IGF2BP3: variants seen among roughly 807,000 people sequenced by gnomAD.
The protein encoded by IGF2BP3 is insulin like growth factor 2 mRNA binding protein 3, also known as insulin-like growth factor 2 mRNA-binding protein 3.
Under a neutral mutation model 73.8 loss-of-function variants are expected in IGF2BP3, and 9 were observed. The ratio of observed to expected loss-of-function variants is 0.12; its 90% CI spans 0.07 to 0.21. The LOEUF is 0.21. Ranked by LOEUF, IGF2BP3 falls within the 10% of genes least tolerant of loss-of-function variation. IGF2BP3 has a pLI of 1.00. For missense variants in IGF2BP3, 542 were observed against 714.0 expected (o/e 0.76, Z 2.75); for synonymous variants, 258 against 256.7 (o/e 1.01, Z -0.05).
At chr7:23,323,237 A>G (rs55931105) in intron 10 of IGF2BP3, among the ~76,000 whole-genome samples, 2,669 of 151,648 alleles carry the variant, frequency 0.018, 72 homozygotes, top group African/African-American at 0.062. Context: ...CTACCAAGCA[A>G]ATGGAAAACA....
chr7:23,405,601 G>A (rs1584001127), intron 3 of IGF2BP3, among the ~76,000 whole-genome samples: 1 of 152,194 alleles, frequency 6.6e-6, no homozygotes, highest in South Asian at 2.1e-4. Context: ...CCCGCCTCCT[G>A]TCAGATCAGC....
intron 2 of IGF2BP3, among the ~76,000 whole-genome samples, chr7:23,426,273 CCGTGCCAT>C (rs1432198705): frequency 7.1e-6 from 1 of 139,914 alleles, no homozygotes; most frequent in Non-Finnish European, 1.5e-5. Flanking sequence ...CAAGCTGAGA[CCGTGCCAT>C]TGCACTCCAG....
intron 2 of IGF2BP3, among the ~76,000 whole-genome samples, chr7:23,458,750 G>C (rs1182140911): frequency 6.6e-6 from 1 of 152,176 alleles, no homozygotes; most frequent in Non-Finnish European, 1.5e-5. Context: ...AATAAGCCCT[G>C]GGGCACAGAC....
At chr7:23,338,738 G>A (rs1784635528) in intron 10 of IGF2BP3, among the ~76,000 whole-genome samples, 1 of 152,064 alleles carries the variant, frequency 6.6e-6, no homozygotes, top group African/African-American at 2.4e-5. Context: ...AATTGTCTGG[G>A]ATAATTATAA....
chr7:23,402,096 G>A (rs1786685249), intron 3 of IGF2BP3: 1 of 152,202 alleles, frequency 6.6e-6, no homozygotes, highest in Non-Finnish European at 1.5e-5. Context: ...CAGCCTGGGT[G>A]AAAGAACAAG....
intron 2 of IGF2BP3, among the ~76,000 whole-genome samples, chr7:23,454,523 G>A (rs1342628019): frequency 6.6e-6 from 1 of 152,132 alleles, no homozygotes; most frequent in Non-Finnish European, 1.5e-5. Flanking sequence ...TATCACTTTA[G>A]TACCAGATAA....
rs1056951812 is a variant in IGF2BP3, at chr7:23,469,713, G to A, written c.175+223C>T. Among the ~76,000 whole-genome samples the A allele has an allele frequency of 1.3e-5, 2 of 151,670 alleles. No homozygotes were observed. The highest frequency in any genetic ancestry group is 4.8e-5 in the African/African-American group (2 of 41,368). On this transcript the variant is annotated intron_variant, in intron 1 of 14. Transcript: ENST00000258729. This position sits in a 1 kb window ranked among gnomAD's most constrained non-coding sequence, Gnocchi z 6.1. ...CCGGGGCTTTCTTGACAGCGCGTTCGCCCTCACCCAGCAAACCCCGGCCGG... is the reference window on the plus strand; with the variant it reads ...CCGGGGCTTTCTTGACAGCGCGTTCACCCTCACCCAGCAAACCCCGGCCGG...
At chr7:23,421,365 T>C (rs973262593) in intron 2 of IGF2BP3, among the ~76,000 whole-genome samples, 3 of 108,874 alleles carry the variant, frequency 2.8e-5, no homozygotes, top group African/African-American at 8.4e-5. Context: ...TTATAATTCA[T>C]AGATTTCACA....
At position 23,355,224 on chromosome 7, in the gene IGF2BP3, TA is replaced by T. The variant is rs1562695389; in HGVS notation, c.402-3639del. Among the ~76,000 whole-genome samples, 651 of 127,856 alleles carry T rather than the reference TA, an allele frequency of 5.1e-3. 8 individuals carry two copies. Among genetic ancestry groups the T allele is most frequent in the African/African-American group, 0.025 (617 of 24,738 alleles). 83.9% of individuals were successfully genotyped at this position (127,856 alleles called of 152,430 possible). ...GAGCCTGGTTTTGTCTTTTTATTTTTATTTTTTTTTTTTTTGAGACAGAGTC... is the reference window on the plus strand; with the variant it reads ...GAGCCTGGTTTTGTCTTTTTATTTTTTTTTTTTTTTTTTTGAGACAGAGTC... On this transcript the variant is annotated intron_variant, in intron 5 of 14. Transcript: ENST00000258729.
intron 3 of IGF2BP3, among the ~76,000 whole-genome samples, chr7:23,381,959 A>C (rs1217682909): frequency 1.3e-5 from 2 of 152,226 alleles, no homozygotes; most frequent in Non-Finnish European, 2.9e-5. Flanking sequence ...ACTGTTCATT[A>C]AAATGCCACT....
chr7:23,396,899 G>T (rs946053793), intron 3 of IGF2BP3, among the ~76,000 whole-genome samples: 7 of 152,126 alleles, frequency 4.6e-5, no homozygotes, highest in African/African-American at 1.7e-4. Flanking sequence ...TGTCTTATTC[G>T]CTGGTTCTCA....
At chr7:23,454,865 C>A (rs1788279823) in intron 2 of IGF2BP3, among the ~76,000 whole-genome samples, 2 of 152,166 alleles carry the variant, frequency 1.3e-5, no homozygotes, top group African/African-American at 2.4e-5. Flanking sequence ...GAGCTTTAAC[C>A]AGCACCATTG....
At chr7:23,323,912 T>C (rs1562671937) in intron 10 of IGF2BP3, among the ~76,000 whole-genome samples, 1 of 151,484 alleles carries the variant, frequency 6.6e-6, no homozygotes, top group African/African-American at 2.4e-5. Context: ...CTGGGATGCA[T>C]TCAAAGCAGT....
chr7:23,451,825 A>G (rs927389931), intron 2 of IGF2BP3, among the ~76,000 whole-genome samples: 33 of 151,200 alleles, frequency 2.2e-4, no homozygotes, highest in African/African-American at 8.0e-4. Context: ...GCAGGCGCCT[A>G]TAATCTCAGC....
intron 2 of IGF2BP3, among the ~76,000 whole-genome samples, chr7:23,467,595 A>T (rs1355276359): frequency 6.6e-6 from 1 of 152,246 alleles, no homozygotes; most frequent in Non-Finnish European, 1.5e-5. Context: ...GGTTTTAAAA[A>T]ACAAAACAAA....
At chr7:23,352,538 T>C (rs922605053) in intron 5 of IGF2BP3, among the ~76,000 whole-genome samples, 2 of 152,170 alleles carry the variant, frequency 1.3e-5, no homozygotes, top group Admixed American at 6.6e-5. Context: ...ATCTGCTGCA[T>C]TGGCCTCCCA....
At chr7:23,445,928 A>G (rs1788054429) in intron 2 of IGF2BP3, among the ~76,000 whole-genome samples, 1 of 152,224 alleles carries the variant, frequency 6.6e-6, no homozygotes, top group South Asian at 2.1e-4. Context: ...ATTTAGGTAG[A>G]TAAGTCTGTA....
chr7:23,370,339 C>A (rs1309412248), intron 3 of IGF2BP3, among the ~76,000 whole-genome samples: 1 of 152,176 alleles, frequency 6.6e-6, no homozygotes, highest in African/African-American at 2.4e-5. Flanking sequence ...CATGCTTAAG[C>A]TGGCAGGTAA....
intron 3 of IGF2BP3, among the ~76,000 whole-genome samples, chr7:23,406,347 CAAATT>C (rs1282118874): frequency 1.4e-4 from 21 of 152,062 alleles, no homozygotes; most frequent in Non-Finnish European, 2.8e-4. Context: ...AAATACTAAT[CAAATT>C]GTGTCCGGAA....
Sources: allele counts gnomAD v4.1 joint callset (sites outside exome capture counted in the v4.1 genomes callset), GRCh38; gene constraint gnomAD v4.1.1; non-coding constraint Gnocchi (gnomAD v3.1); transcripts MANE v1.5; gene names NCBI Gene and HGNC (gene_info 2026-07-23, HGNC 2026-07-21).